The following PCDHA9 variants were observed in gnomAD, a reference collection of about 807,000 sequenced individuals.
PCDHA9 encodes the protein protocadherin alpha-9.
PCDHA9 carries 62 observed loss-of-function variants against 62.0 expected under a neutral mutation model. The observed-to-expected ratio is 1.00, with a 90% CI of 0.81 to 1.23. The LOEUF is 1.23. PCDHA9 is among the 50% of genes most tolerant of loss of function. The pLI is 0.00. For synonymous variants in PCDHA9, 557 were observed against 567.6 expected (o/e 0.98, Z 0.27); for missense variants, 1,205 against 1,249.8 (o/e 0.96, Z 0.54).
chr5:140,866,951 G>A (rs1207354253), intron 1 of PCDHA9: 1 of 152,106 alleles, frequency 6.6e-6, no homozygotes, highest in African/African-American at 2.4e-5. Context: ...CTAGGGGCTG[G>A]TTGAGATGGT....
intron 2 of PCDHA9, 71 bp downstream of exon 2, chr5:140,979,078 A>C (rs2240296): frequency 3.8e-6 from 6 of 1,583,342 alleles, no homozygotes; most frequent in South Asian, 1.1e-5. Flanking sequence ...CTGCATCTCC[A>C]TAGGCCAGAA....
intron 1 of PCDHA9, chr5:140,876,592 G>A (rs1469576623): frequency 1.2e-6 from 2 of 1,614,164 alleles, no homozygotes; most frequent in Middle Eastern, 1.6e-4. Flanking sequence ...CCTGATTAGC[G>A]TGTCGGATCG....
At chr5:140,889,159 A>G (rs1392016642) in intron 1 of PCDHA9, among the ~76,000 whole-genome samples, 1 of 151,652 alleles carries the variant, frequency 6.6e-6, no homozygotes, top group Non-Finnish European at 1.5e-5. Context: ...CTTCTTTGTT[A>G]AGTATTCAAG....
intron 1 of PCDHA9, among the ~76,000 whole-genome samples, chr5:140,920,911 G>C (rs1290667252): frequency 6.6e-6 from 1 of 150,718 alleles, no homozygotes; most frequent in African/African-American, 2.4e-5. Context: ...TCTCAAATCA[G>C]TTCCAAGAGT....
At chr5:140,956,195 G>A (rs1324151692) in intron 1 of PCDHA9, among the ~76,000 whole-genome samples, 1 of 152,178 alleles carries the variant, frequency 6.6e-6, no homozygotes, top group Non-Finnish European at 1.5e-5. Flanking sequence ...CTGAATAGGA[G>A]TGGTGAAAGA....
Position 140,964,245 on chromosome 5 carries a change from T to C in PCDHA9, c.2395-14704T>C, listed in dbSNP as rs549634734. On this transcript the variant is annotated intron_variant, in intron 1 of 3. Transcript: ENST00000532602. ...TCAAAATGAGGCTGATTGTGTTGGC[T>C]TTATATTTGACTCCTTAATAATTAA... is the stretch of plus-strand genomic sequence containing the variant. Among the ~76,000 whole-genome samples, 6 of 152,346 alleles carry C rather than the reference T, an allele frequency of 3.9e-5. No individual in the cohort carries two copies. In the East Asian group the frequency reaches 1.2e-3, roughly 29 times the overall value.
In PCDHA9 at chr5:140,849,592, G is replaced by A. The variant is rs2040979573; in HGVS notation, c.1097G>A (p.Gly366Glu). 1.3e-6 allele frequency: 2 copies of A among 1,598,672 alleles called. No individual in the cohort carries two copies. The highest frequency in any genetic ancestry group is 1.7e-6 in the Non-Finnish European group (2 of 1,167,964). The change falls in exon 1 of 4, where the codon GGG (glycine) becomes GAG (glutamate). Residue 366 changes from glycine to glutamate, a missense_variant. By Grantham distance (98) the Gly-to-Glu change is moderately conservative. Around this residue, in one of 3 missense-constraint regions of PCDHA9, gnomAD observed 887 missense variants for 809.5 expected, o/e 1.10. Coordinates refer to ENST00000532602, the MANE Select transcript of PCDHA9 (RefSeq NM_031857.2). Reference protein sequence around the residue: ...SVPVKEDAQLGTVIALISVID... With the variant: ...SVPVKEDAQLETVIALISVID... Reference sequence around the variant, plus strand: ...CCTGTAAAAGAGGACGCACAACTGGGGACAGTTATTGCCCTGATTAGTGTG... The same window carrying A: ...CCTGTAAAAGAGGACGCACAACTGGAGACAGTTATTGCCCTGATTAGTGTG...
intron 3 of PCDHA9, among the ~76,000 whole-genome samples, chr5:141,004,852 GA>G (rs1474938614): frequency 6.6e-6 from 1 of 152,202 alleles, no homozygotes; most frequent in African/African-American, 2.4e-5. Flanking sequence ...TAGTCTCAGA[GA>G]AAAAATTTGT....
In PCDHA9 at chr5:140,848,383, C is replaced by A; in HGVS notation, c.-113C>A. 8.4e-7 allele frequency: 1 copy of A among 1,197,372 alleles called. No homozygotes were observed. Among genetic ancestry groups the A allele is most frequent in the Non-Finnish European group, 1.2e-6 (1 of 845,982 alleles). 74.2% of individuals were successfully genotyped at this position (1,197,372 alleles called of 1,614,324 possible). On this transcript the variant is annotated 5_prime_UTR_variant, in exon 1 of 4. Transcript: ENST00000532602. ...GGGAAAGAGGCTCAATTCTTTTTCA[C>A]TCTCTCTGTGCTGAACGATGGCGAA...
chr5:140,917,131 G>A (rs572644426), intron 1 of PCDHA9, among the ~76,000 whole-genome samples: 28 of 152,190 alleles, frequency 1.8e-4, no homozygotes, highest in African/African-American at 5.8e-4. Context: ...GACTCCCCAC[G>A]TTGCTCAGCT....
intron 1 of PCDHA9, among the ~76,000 whole-genome samples, chr5:140,937,761 A>C (rs868923892): frequency 6.6e-6 from 1 of 151,650 alleles, no homozygotes; most frequent in Non-Finnish European, 1.5e-5. Flanking sequence ...AAATACAAAA[A>C]ATTAGTCGGG....
intron 1 of PCDHA9, among the ~76,000 whole-genome samples, chr5:140,894,986 A>G (rs1380930076): frequency 6.6e-6 from 1 of 152,194 alleles, no homozygotes; most frequent in Non-Finnish European, 1.5e-5. Flanking sequence ...ACTTTGTGAC[A>G]TCCTTTACCC....
At chr5:140,917,301 G>T (rs2078005324) in intron 1 of PCDHA9, among the ~76,000 whole-genome samples, 1 of 138,576 alleles carries the variant, frequency 7.2e-6, no homozygotes, top group Non-Finnish European at 1.5e-5. Flanking sequence ...GCAGATAGTT[G>T]TTACAATTTG....
chr5:140,943,998 G>C (rs2093593066), intron 1 of PCDHA9, among the ~76,000 whole-genome samples: 1 of 152,178 alleles, frequency 6.6e-6, no homozygotes, highest in Non-Finnish European at 1.5e-5. Context: ...CAGAACTACT[G>C]AGTACCCCCC....
chr5:140,969,538 G>A (rs916768919), intron 1 of PCDHA9: 11 of 1,304,024 alleles, frequency 8.4e-6, no homozygotes, highest in African/African-American at 1.5e-5. Flanking sequence ...TTCATTTTCA[G>A]AGGCATGAAG....
intron 1 of PCDHA9, chr5:140,876,915 C>A: frequency 6.2e-7 from 1 of 1,613,966 alleles, no homozygotes; most frequent in Non-Finnish European, 8.5e-7. Flanking sequence ...CGGCATGGGA[C>A]GCGGACGCGC....
intron 1 of PCDHA9, chr5:140,928,054 A>T (rs2084892451): frequency 1.2e-6 from 2 of 1,613,994 alleles, no homozygotes; most frequent in Non-Finnish European, 1.7e-6. Flanking sequence ...TTTTCAGCTG[A>T]CGGCTTCCTT....
chr5:140,875,610 C>T (rs1266412721), intron 1 of PCDHA9: 6 of 1,613,716 alleles, frequency 3.7e-6, no homozygotes, highest in African/African-American at 1.3e-5. Flanking sequence ...CCTTCGTGGG[C>T]CGCATCGCTC....
chr5:140,942,817 T>C (rs1479369594), intron 1 of PCDHA9, among the ~76,000 whole-genome samples: 2 of 152,160 alleles, frequency 1.3e-5, no homozygotes, highest in African/African-American at 4.8e-5. Context: ...ACTAGTTGGA[T>C]TTGGCCCTGT....
Sources: allele counts gnomAD v4.1 joint callset (sites outside exome capture counted in the v4.1 genomes callset), GRCh38; gene constraint gnomAD v4.1.1; regional missense constraint gnomAD v4.1.1; transcripts MANE v1.5; gene names NCBI Gene and HGNC (gene_info 2026-07-23, HGNC 2026-07-21).